The following PHF14 variants were observed in gnomAD, a reference collection of about 807,000 sequenced individuals.
PHF14 encodes the protein PHD finger protein 14.
PHF14 carries 55 observed loss-of-function variants against 117.9 expected under a neutral mutation model. The observed-to-expected ratio is 0.47, with a 90% CI of 0.38 to 0.58. The LOEUF is 0.58. PHF14 is among the 20% of genes least tolerant of loss of function. The pLI is 0.00. For missense variants in PHF14, 978 were observed against 1,122.2 expected, an observed-to-expected ratio of 0.87 and a Z score of 1.84; for synonymous variants, 409 against 368.6, an observed-to-expected ratio of 1.11 and a Z score of -1.26.
chr7:11,156,795 A>G (rs1408093061), intron 17 of PHF14, among the ~76,000 whole-genome samples: 1 of 152,168 alleles, frequency 6.6e-6, no homozygotes, highest in Non-Finnish European at 1.5e-5. Context: ...TGTCTCAGAA[A>G]AAAAACAGAA....
intron 17 of PHF14, among the ~76,000 whole-genome samples, chr7:11,135,650 T>G (rs187903886): frequency 1.3e-5 from 2 of 152,294 alleles, no homozygotes. Flanking sequence ...AACAATTTCC[T>G]GCACTGGCAA....
intron 4 of PHF14, among the ~76,000 whole-genome samples, chr7:11,004,415 C>A (rs1783007535): frequency 6.8e-6 from 1 of 146,964 alleles, no homozygotes; most frequent in African/African-American, 2.5e-5. Flanking sequence ...AATTTAATAG[C>A]CAATAATATG....
intron 4 of PHF14, among the ~76,000 whole-genome samples, chr7:11,010,084 C>G (rs970399446): frequency 6.6e-6 from 1 of 152,046 alleles, no homozygotes; most frequent in African/African-American, 2.4e-5. Context: ...TAATTGCCTA[C>G]TTGTGTGGAT....
At chr7:11,162,700 CTTT>C (rs5882294) in intron 17 of PHF14, among the ~76,000 whole-genome samples, 11 of 127,920 alleles carry the variant, frequency 8.6e-5, no homozygotes, top group East Asian at 2.5e-4. Flanking sequence ...AATCCAAAGT[CTTT>C]TTTTTTTTTT....
At chr7:10,994,045 C>G (rs936764943) in intron 4 of PHF14, among the ~76,000 whole-genome samples, 2 of 151,230 alleles carry the variant, frequency 1.3e-5, no homozygotes, top group African/African-American at 2.4e-5. Flanking sequence ...GGGAAATCCA[C>G]TCTGATAAGA....
intron 16 of PHF14, among the ~76,000 whole-genome samples, chr7:11,085,201 G>A (rs116116644): frequency 6.6e-6 from 1 of 152,034 alleles, no homozygotes; most frequent in African/African-American, 2.4e-5. Context: ...TGCTTGACAT[G>A]TTTTAAAGAT....
chr7:11,113,383 G>A (rs903133289), intron 17 of PHF14, among the ~76,000 whole-genome samples: 7 of 152,096 alleles, frequency 4.6e-5, no homozygotes, highest in Non-Finnish European at 1.0e-4. Flanking sequence ...TGGGTCTTTG[G>A]ACTCTGAGTG....
Position 10,982,626 on chromosome 7 carries a change from A to G in PHF14, c.367A>G (p.Lys123Glu). The G allele has an allele frequency of 6.5e-7, 1 of 1,538,752 alleles. No individual in the cohort carries two copies. The highest frequency in any genetic ancestry group is 8.8e-7 in the Non-Finnish European group (1 of 1,136,836). Residue 123 changes from lysine (K) to glutamate (E), a missense_variant, in exon 3 of 18, where the codon AAG (lysine) becomes GAG (glutamate). Coordinates refer to ENST00000634607, the MANE Select transcript of PHF14 (RefSeq NM_001007157.2). ...AAAGGAGAAAGAGAAGGAAAAAGAAAAGGAAAAGGAGAAAGAGAAGGAAAG... is the reference window on the plus strand; with the variant it reads ...AAAGGAGAAAGAGAAGGAAAAAGAAGAGGAAAAGGAGAAAGAGAAGGAAAG... ...KKKEKEKEKE[K>E]EKEKEKEREK...
intron 17 of PHF14, among the ~76,000 whole-genome samples, chr7:11,145,958 A>G (rs1329829056): frequency 6.8e-6 from 1 of 146,032 alleles, no homozygotes; most frequent in South Asian, 2.1e-4. Context: ...GCAATGGCAG[A>G]TAACTCTTGA....
At chr7:11,031,104 T>C (rs1423136377) in intron 7 of PHF14, among the ~76,000 whole-genome samples, 1 of 152,182 alleles carries the variant, frequency 6.6e-6, no homozygotes, top group Non-Finnish European at 1.5e-5. Flanking sequence ...ATTTCCATTT[T>C]ATACTCTTTA....
At chr7:11,151,583 TTTGTTG>T (rs956798114) in intron 17 of PHF14, among the ~76,000 whole-genome samples, 2 of 151,990 alleles carry the variant, frequency 1.3e-5, no homozygotes, top group African/African-American at 4.8e-5. Context: ...TAACTTCATT[TTTGTTG>T]TTGTTGTTCT....
In PHF14 at chr7:11,036,820, A is replaced by G. The variant is rs1056379427; in HGVS notation, c.1873+132A>G. The G allele has an allele frequency of 1.1e-5, 11 of 997,172 alleles. No homozygotes were observed. In the African/African-American group the frequency reaches 1.1e-4, roughly 10 times the overall value. The allele number at this position is 997,172 out of a possible 1,614,324, so 61.8% of individuals were successfully genotyped here. Reference sequence around the variant, plus strand: ...ATCATAGAGGGATGTTTATTTTCCTAATATGTTGTGGGTTTTTACAAAATG... The same window carrying G: ...ATCATAGAGGGATGTTTATTTTCCTGATATGTTGTGGGTTTTTACAAAATG... On this transcript the variant is annotated intron_variant, in intron 9 of 17. Transcript: ENST00000634607.
intron 3 of PHF14, among the ~76,000 whole-genome samples, chr7:10,989,736 T>C (rs1449738226): frequency 5.3e-5 from 8 of 152,170 alleles, no homozygotes. Flanking sequence ...GCTCAAGTGA[T>C]CTTCCCGCCT....
At chr7:10,976,372 A>T (rs1781865332) in intron 2 of PHF14, among the ~76,000 whole-genome samples, 1 of 152,196 alleles carries the variant, frequency 6.6e-6, no homozygotes, top group Non-Finnish European at 1.5e-5. Flanking sequence ...TTCTCTTGGT[A>T]AAGACCTTGG....
At chr7:11,152,056 A>T (rs1304863413) in intron 17 of PHF14, among the ~76,000 whole-genome samples, 2 of 152,206 alleles carry the variant, frequency 1.3e-5, no homozygotes, top group Non-Finnish European at 2.9e-5. Context: ...TTCATAAATA[A>T]TCTTCAGGTA....
chr7:11,037,204 T>C, intron 10 of PHF14, 113 bp downstream of exon 10: 1 of 920,748 alleles, frequency 1.1e-6, no homozygotes, highest in Non-Finnish European at 1.6e-6. Context: ...TGGAGCTCTT[T>C]GGCTCTTCCC....
intron 7 of PHF14, among the ~76,000 whole-genome samples, chr7:11,033,744 C>T (rs1784211040): frequency 6.6e-6 from 1 of 152,132 alleles, no homozygotes; most frequent in Non-Finnish European, 1.5e-5. Context: ...ATTTCAACCT[C>T]ATTTACTTTG....
intron 3 of PHF14, among the ~76,000 whole-genome samples, chr7:10,990,439 T>C (rs1782410030): frequency 6.6e-6 from 1 of 152,186 alleles, no homozygotes; most frequent in African/African-American, 2.4e-5. Flanking sequence ...ATGCGTGCTT[T>C]TTCATATCCT....
At chr7:11,038,493 A>G (rs1473343241) in intron 10 of PHF14, among the ~76,000 whole-genome samples, 1 of 151,268 alleles carries the variant, frequency 6.6e-6, no homozygotes, top group Non-Finnish European at 1.5e-5. Context: ...CCCTGTCTCT[A>G]CTAAAAATAC....
Sources: allele counts gnomAD v4.1 joint callset (sites outside exome capture counted in the v4.1 genomes callset), GRCh38; gene constraint gnomAD v4.1.1; transcripts MANE v1.5; gene names NCBI Gene and HGNC (gene_info 2026-07-23, HGNC 2026-07-21).